Variants in TBCD observed in about 807,000 individuals in gnomAD.
TBCD encodes tubulin-specific chaperone D.
In TBCD, 105 loss-of-function variants were observed where a neutral mutation model predicts 169.3. That is an observed-to-expected ratio of 0.62 (90% CI 0.53 to 0.73). The LOEUF (loss-of-function observed/expected upper bound fraction) is 0.73, where lower values mean the gene tolerates loss of function less well. Ranked by LOEUF, TBCD falls within the 30% of genes least tolerant of loss-of-function variation. The probability of loss-of-function intolerance (pLI) is 0.00; values close to 1 mark genes in which losing one functional copy is unlikely to be tolerated. For synonymous variants in TBCD, 700 were observed against 643.9 expected (o/e 1.09, Z -1.32); for missense variants, 1,444 against 1,600.1 (o/e 0.90, Z 1.66).
Position 82,807,494 on chromosome 17 carries a change from A to G in TBCD, c.1088-114A>G, listed in dbSNP as rs2051059833. 1.0e-5 allele frequency: 6 copies of G among 575,792 alleles called. 1 individual carries two copies. Among genetic ancestry groups the G allele is most frequent in the Non-Finnish European group, 1.6e-5 (6 of 379,202 alleles). 35.7% of individuals were successfully genotyped at this position (575,792 alleles called of 1,614,324 possible). ...CCTGTCATTAAAATTAATATTGTTA[A>G]TGTAATTCCCTTCGGCGTGTGCACT... On this transcript the variant is annotated intron_variant, in intron 10 of 38. Transcript: ENST00000355528.
In TBCD at chr17:82,930,660, G is replaced by A. The variant is rs748126845; in HGVS notation, c.3113+17G>A. 6 of 1,613,854 alleles carry A rather than the reference G, an allele frequency of 3.7e-6. No individual in the cohort carries two copies. Among genetic ancestry groups the A allele is most frequent in the Non-Finnish European group, 5.1e-6 (6 of 1,179,860 alleles). On this transcript the variant is annotated intron_variant, in intron 33 of 38. Coordinates refer to ENST00000355528, the MANE Select transcript of TBCD (RefSeq NM_005993.5). The surrounding 1 kb of genome is among the most constrained non-coding windows in gnomAD (Gnocchi z 5.2). ...GAATGAGAGGTGAGTGGTGTCTCTT[G>A]GGGCCTCAGAGGCGTGAGTGGTGCT...
chr17:82,799,431 G>A (rs1446592907), intron 8 of TBCD, among the ~76,000 whole-genome samples: 1 of 83,706 alleles, frequency 1.2e-5, no homozygotes, highest in East Asian at 3.9e-4. Flanking sequence ...GACAGAGCAA[G>A]ACTCTGTCTC....
chr17:82,778,339 G>A (rs1026330482), intron 6 of TBCD, among the ~76,000 whole-genome samples: 3 of 152,156 alleles, frequency 2.0e-5, no homozygotes, highest in African/African-American at 7.2e-5. Flanking sequence ...CGTTTTAAAG[G>A]GAACACGGTT....
chr17:82,780,993 G>A (rs1229310416), intron 6 of TBCD, among the ~76,000 whole-genome samples: 4 of 152,024 alleles, frequency 2.6e-5, no homozygotes, highest in Non-Finnish European at 5.9e-5. Flanking sequence ...GGTGTCCTGC[G>A]CTGAGGCCGG....
rs2055698033 is a variant in TBCD at position 82,850,540 on chromosome 17, CTGTGCTGT to C, written c.1319-19680_1319-19673del. On this transcript the variant is annotated intron_variant, in intron 13 of 38. Transcript: ENST00000355528. Reference sequence around the variant, plus strand: ...CTGTTGTTGGCTGTGCTGTTGTTAGCTGTGCTGTTGTTGGCTGTGCTGTTGTTGGCTGT... The same window carrying C: ...CTGTTGTTGGCTGTGCTGTTGTTAGCTGTTGGCTGTGCTGTTGTTGGCTGT... 4.7e-5 allele frequency among the ~76,000 whole-genome samples: 6 copies of C among 127,740 alleles called. 2 individuals carry two copies. In the Admixed American group the frequency reaches 4.8e-4, roughly 10 times the overall value. The allele number at this position is 127,740 out of a possible 152,430, so 83.8% of individuals were successfully genotyped here.
chr17:82,758,400 A>AAAAAAAAAAAAAATAAAAAAAAAAAAT (rs1035939621), intron 2 of TBCD, among the ~76,000 whole-genome samples: 1 of 100,032 alleles, frequency 1.0e-5, no homozygotes, highest in African/African-American at 3.6e-5. Flanking sequence ...AAAAAAAAAA[A>AAAAAAAAAAAAAATAAAAAAAAAAAAT]AAATAAATAA....
rs893949759 is a variant in TBCD, at chr17:82,906,144, A to G, written c.1922+91A>G. On this transcript the variant is annotated intron_variant, in intron 20 of 38. Coordinates refer to ENST00000355528, the MANE Select transcript of TBCD (RefSeq NM_005993.5). Reference sequence around the variant, plus strand: ...GTGCTCTCCAGTTCGAGACTCTCTCATCCCTTCTCATTTTTGTTTATCTGC... The same window carrying G: ...GTGCTCTCCAGTTCGAGACTCTCTCGTCCCTTCTCATTTTTGTTTATCTGC... The G allele has an allele frequency of 8.1e-6, 8 of 988,878 alleles. No homozygotes were observed. In the Middle Eastern group the frequency reaches 1.1e-3, roughly 132 times the overall value. The allele number at this position is 988,878 out of a possible 1,614,324, so 61.3% of individuals were successfully genotyped here.
chr17:82,816,687 C>T (rs190263681), intron 13 of TBCD, among the ~76,000 whole-genome samples: 128 of 151,282 alleles, frequency 8.5e-4, no homozygotes, highest in African/African-American at 2.9e-3. Context: ...GTGCCCACCA[C>T]CATGCCACAT....
At chr17:82,792,234 G>A (rs533386481) in intron 7 of TBCD, among the ~76,000 whole-genome samples, 23 of 152,060 alleles carry the variant, frequency 1.5e-4, no homozygotes, top group Non-Finnish European at 2.6e-4. Context: ...CTCGAACCCA[G>A]GAGGCAGAGG....
chr17:82,892,171 G>A (rs889433124), intron 16 of TBCD, among the ~76,000 whole-genome samples: 2 of 152,186 alleles, frequency 1.3e-5, no homozygotes, highest in Middle Eastern at 3.4e-3. Flanking sequence ...TCTCACCGTG[G>A]GGGGATGCTG....
intron 13 of TBCD, among the ~76,000 whole-genome samples, chr17:82,822,991 G>A (rs947786302): frequency 6.6e-6 from 1 of 152,206 alleles, no homozygotes; most frequent in Non-Finnish European, 1.5e-5. Context: ...AACCCGCAGA[G>A]GCTCCTTCAG....
intron 12 of TBCD, among the ~76,000 whole-genome samples, chr17:82,813,822 C>T (rs981220428): frequency 6.6e-6 from 1 of 152,194 alleles, no homozygotes; most frequent in Admixed American, 6.5e-5. Flanking sequence ...CTGTCGGTGA[C>T]AGTGAGCTCT....
At chr17:82,845,305 C>T (rs150863878) in intron 13 of TBCD, among the ~76,000 whole-genome samples, 3 of 148,504 alleles carry the variant, frequency 2.0e-5, no homozygotes, top group African/African-American at 7.8e-5. Flanking sequence ...TCCGTCCATC[C>T]TGTCCGGCCT....
At position 82,874,417 on chromosome 17, in the gene TBCD, T is replaced by A. The variant is rs192131809; in HGVS notation, c.1475+4037T>A. Among the ~76,000 whole-genome samples, 18 of 152,030 alleles carry A rather than the reference T, an allele frequency of 1.2e-4. No individual in the cohort carries two copies. In the East Asian group the frequency reaches 2.3e-3, roughly 20 times the overall value. ...TTGGTTTTTGGAGGTCCTGGGTGCG[T>A]CTCCACCATGGCTCCCGGGTTCCCT... On this transcript the variant is annotated intron_variant, in intron 14 of 38. Coordinates refer to ENST00000355528, the MANE Select transcript of TBCD (RefSeq NM_005993.5). This position sits in a 1 kb window ranked among gnomAD's most constrained non-coding sequence, Gnocchi z 5.0.
chr17:82,873,810 C>T (rs971348702), intron 14 of TBCD, among the ~76,000 whole-genome samples: 5 of 152,120 alleles, frequency 3.3e-5, no homozygotes, highest in South Asian at 2.1e-4. Context: ...GTGGCCTGCT[C>T]GCTTATTCTT....
At chr17:82,937,731 C>T (rs963002430) in intron 35 of TBCD, 38 of 788,176 alleles carry the variant, frequency 4.8e-5, no homozygotes, top group South Asian at 4.4e-4. Context: ...TGGGCAGGTG[C>T]GCCAGCCAGC....
intron 13 of TBCD, among the ~76,000 whole-genome samples, chr17:82,836,543 C>T (rs1399014060): frequency 6.6e-6 from 1 of 152,034 alleles, no homozygotes; most frequent in African/African-American, 2.4e-5. Flanking sequence ...CTTCAGTTTT[C>T]GAAGCCGCAT....
intron 8 of TBCD, 36 bp from the exon 9 acceptor site, chr17:82,800,828 A>T: frequency 6.3e-7 from 1 of 1,590,436 alleles, no homozygotes; most frequent in Non-Finnish European, 8.6e-7. Flanking sequence ...AGATGCCTGC[A>T]GCCCTTCCTG....
chr17:82,884,054 A>C lies in TBCD; in HGVS notation c.1476-91A>C. On this transcript the variant is annotated intron_variant, in intron 14 of 38. Coordinates refer to ENST00000355528, the MANE Select transcript of TBCD (RefSeq NM_005993.5). This position sits in a 1 kb window ranked among gnomAD's most constrained non-coding sequence, Gnocchi z 4.2. ...CATGTCTGAACCTCAAGTGGGCCTG[A>C]GTCGTGAGAGAAAGGCTTTCTCATC... 3 of 1,279,662 alleles carry C rather than the reference A, an allele frequency of 2.3e-6. No homozygotes were observed. Among genetic ancestry groups the C allele is most frequent in the Non-Finnish European group, 3.3e-6 (3 of 905,890 alleles). 79.3% of individuals were successfully genotyped at this position (1,279,662 alleles called of 1,614,324 possible).
Sources: allele counts gnomAD v4.1 joint callset (sites outside exome capture counted in the v4.1 genomes callset), GRCh38; gene constraint gnomAD v4.1.1; non-coding constraint Gnocchi (gnomAD v3.1); transcripts MANE v1.5; gene names NCBI Gene and HGNC (gene_info 2026-07-23, HGNC 2026-07-21).